The following ENPP2 variants were observed in gnomAD, a reference collection of about 807,000 sequenced individuals.
The protein encoded by ENPP2 is autotaxin.
ENPP2 carries 51 observed loss-of-function variants against 120.2 expected under a neutral mutation model. That is an observed-to-expected ratio of 0.42 (90% confidence interval 0.34 to 0.54). The LOEUF is 0.54. ENPP2 is among the 20% of genes least tolerant of loss of function. The pLI, the probability that ENPP2 is intolerant of heterozygous loss-of-function variation, is 0.04. For missense variants in ENPP2, 920 were observed against 1,066.5 expected, an observed-to-expected ratio of 0.86 and a Z score of 1.91; for synonymous variants, 365 against 366.4, an observed-to-expected ratio of 1.00 and a Z score of 0.04.
intron 11 of ENPP2, chr8:119,595,761 C>T (rs894992762): frequency 1.3e-5 from 17 of 1,344,524 alleles, no homozygotes; most frequent in Non-Finnish European, 1.7e-5. Context: ...AAAACTTGCT[C>T]AGCCGATTTT....
At chr8:119,629,324 G>A (rs1036977898) in intron 2 of ENPP2, among the ~76,000 whole-genome samples, 11 of 151,812 alleles carry the variant, frequency 7.2e-5, no homozygotes, top group Non-Finnish European at 1.2e-4. Context: ...ATTGACATGC[G>A]ATTTATAATT....
chr8:119,651,193 A>T (rs1447447114), intron 1 of ENPP2, among the ~76,000 whole-genome samples: 5 of 152,132 alleles, frequency 3.3e-5, no homozygotes, highest in Admixed American at 3.3e-4. Context: ...TAAAGAGGGG[A>T]AGGGCATTGC....
At chr8:119,627,685 A>C (rs1417246726) in intron 2 of ENPP2, among the ~76,000 whole-genome samples, 1 of 151,952 alleles carries the variant, frequency 6.6e-6, no homozygotes, top group African/African-American at 2.4e-5. Flanking sequence ...AACACAGTAA[A>C]ACCCAGTCTC....
chr8:119,569,462 C>A, intron 20 of ENPP2, 92 bp from the exon 21 acceptor site: 1 of 1,186,576 alleles, frequency 8.4e-7, no homozygotes, highest in Non-Finnish European at 1.2e-6. Flanking sequence ...TGCTTGTATT[C>A]TGATTGATAG....
intron 2 of ENPP2, among the ~76,000 whole-genome samples, chr8:119,637,532 A>C (rs1253908980): frequency 6.6e-6 from 1 of 152,234 alleles, no homozygotes; most frequent in Admixed American, 6.5e-5. Context: ...CTTTCATAAC[A>C]ATCAGATCAA....
At chr8:119,659,330 A>AAAAAAAAAAAAAAAAAC (rs1817856233) in intron 1 of ENPP2, among the ~76,000 whole-genome samples, 1 of 150,780 alleles carries the variant, frequency 6.6e-6, no homozygotes, top group Non-Finnish European at 1.5e-5. Flanking sequence ...TAAAAAAAAA[A>AAAAAAAAAAAAAAAAAC]AAAAAAACCA....
In ENPP2 at chr8:119,601,264, A is replaced by T. The variant is rs1814285479; in HGVS notation, c.899+133T>A. The T allele has an allele frequency of 6.2e-6, 4 of 641,410 alleles. No homozygotes were observed. The South Asian group carries it at 7.9e-5, about 13-fold the overall frequency. 39.7% of individuals were successfully genotyped at this position (641,410 alleles called of 1,614,324 possible). A position where few individuals can be genotyped will look rare whatever the true frequency, so the allele number is the denominator to read the frequency against. Reference sequence around the variant, plus strand: ...ATTGTATCCTTCTTAGGGAAGTAACACTTAAGGCTAAGAACCACAAAACTT... The same window carrying T: ...ATTGTATCCTTCTTAGGGAAGTAACTCTTAAGGCTAAGAACCACAAAACTT... On this transcript the variant is annotated intron_variant, in intron 10 of 24. Transcript: ENST00000075322.
chr8:119,605,924 G>A (rs1814690528), intron 9 of ENPP2, among the ~76,000 whole-genome samples: 1 of 152,106 alleles, frequency 6.6e-6, no homozygotes, highest in South Asian at 2.1e-4. Context: ...AACATGAATT[G>A]GCACAAAAGA....
chr8:119,561,642 C>A (rs947862800), intron 24 of ENPP2, among the ~76,000 whole-genome samples: 4 of 152,146 alleles, frequency 2.6e-5, no homozygotes, highest in Admixed American at 1.3e-4. Context: ...ATGATGCCAT[C>A]CTGCATCCTA....
chr8:119,582,326 A>G, intron 18 of ENPP2, 92 bp downstream of exon 18: 1 of 955,072 alleles, frequency 1.0e-6, no homozygotes, highest in East Asian at 2.4e-5. Context: ...GCATAATTAT[A>G]GACCATGTCC....
At chr8:119,635,659 T>C (rs1816954807) in intron 2 of ENPP2, among the ~76,000 whole-genome samples, 1 of 152,230 alleles carries the variant, frequency 6.6e-6, no homozygotes, top group Non-Finnish European at 1.5e-5. Context: ...CATCTCACCG[T>C]CTCATTAACC....
intron 1 of ENPP2, among the ~76,000 whole-genome samples, chr8:119,657,663 G>A (rs935732592): frequency 4.6e-5 from 7 of 152,166 alleles, no homozygotes; most frequent in Admixed American, 1.3e-4. Context: ...TGAAATACCC[G>A]CATTCCCAAC....
chr8:119,658,087 T>A (rs2130889196), intron 1 of ENPP2, among the ~76,000 whole-genome samples: 1 of 152,346 alleles, frequency 6.6e-6, no homozygotes, highest in East Asian at 1.9e-4. Flanking sequence ...TGTTAAGATT[T>A]AGTGAAAAGT....
chr8:119,621,919 T>C (rs183103532), intron 3 of ENPP2, among the ~76,000 whole-genome samples: 136 of 152,248 alleles, frequency 8.9e-4, no homozygotes, highest in Middle Eastern at 3.4e-3. Context: ...TGCTTAGCTT[T>C]ATTTTTATTT....
At position 119,600,664 on chromosome 8, in the gene ENPP2, G is replaced by T. The variant is rs760495713; in HGVS notation, c.972+14C>A. On this transcript the variant is annotated intron_variant, in intron 11 of 24. Transcript: ENST00000075322. ...GGCCACAGATTCTTCTCAGGCAGAT[G>T]CTAAACCACTAACCTCAGGGCCGAA... 1.3e-6 allele frequency: 2 copies of T among 1,572,290 alleles called. No homozygotes were observed. Among genetic ancestry groups the T allele is most frequent in the Non-Finnish European group, 1.8e-6 (2 of 1,142,362 alleles).
intron 11 of ENPP2, chr8:119,595,755 C>T: frequency 7.8e-7 from 1 of 1,282,120 alleles, no homozygotes; most frequent in Admixed American, 1.9e-5. Context: ...TTTTCTAAAA[C>T]TTGCTCAGCC....
intron 3 of ENPP2, 83 bp from the exon 4 acceptor site, chr8:119,621,602 G>A: frequency 6.9e-7 from 1 of 1,451,302 alleles, no homozygotes; most frequent in Admixed American, 1.7e-5. Context: ...GATTTCCAAT[G>A]AAGAAAGCTA....
At position 119,562,625 on chromosome 8, in the gene ENPP2, T is replaced by C. The variant is rs550189248; in HGVS notation, c.2421+232A>G. On this transcript the variant is annotated intron_variant, in intron 24 of 24. Coordinates refer to ENST00000075322, the MANE Select transcript of ENPP2 (RefSeq NM_001040092.3). ...ACATTTGGACATTTATTTCTCAAAA[T>C]TGTACACATTGATAGAATTATGTTA... Among the ~76,000 whole-genome samples, 40 of 152,290 alleles carry C rather than the reference T, an allele frequency of 2.6e-4. No homozygotes were observed. In the South Asian group the frequency reaches 8.1e-3, roughly 31 times the overall value.
chr8:119,571,803 A>G (rs1055158721), intron 19 of ENPP2: 2 of 157,170 alleles, frequency 1.3e-5, no homozygotes, highest in African/African-American at 4.8e-5. Context: ...ATCAGTTCTG[A>G]AAAACACTTA....
Sources: allele counts gnomAD v4.1 joint callset (sites outside exome capture counted in the v4.1 genomes callset), GRCh38; gene constraint gnomAD v4.1.1; transcripts MANE v1.5; gene names NCBI Gene and HGNC (gene_info 2026-07-23, HGNC 2026-07-21).